PUS10: variants seen among roughly 807,000 people sequenced by gnomAD.
The protein encoded by PUS10 is tRNA pseudouridine synthase Pus10.
A neutral mutation model predicts 75.0 loss-of-function variants in PUS10; 59 were observed. The observed-to-expected ratio is 0.79, with a 90% confidence interval of 0.64 to 0.98. The LOEUF is 0.98. Among genes scored for constraint, PUS10 ranks in the 50% least tolerant of loss-of-function variants. The pLI, the probability that PUS10 is intolerant of heterozygous loss-of-function variation, is 0.00. For synonymous variants in PUS10, 219 were observed against 211.6 expected (o/e 1.03, Z -0.30); for missense variants, 650 against 614.4 (o/e 1.06, Z -0.61).
intron 2 of PUS10, chr2:61,010,751 G>C: frequency 1.3e-6 from 2 of 1,546,868 alleles, no homozygotes; most frequent in Middle Eastern, 1.7e-4. Context: ...TGGTGGAACT[G>C]GGATTCAAAT....
chr2:60,998,246 T>C (rs1255128814), intron 4 of PUS10, among the ~76,000 whole-genome samples: 2 of 152,200 alleles, frequency 1.3e-5, no homozygotes, highest in East Asian at 1.9e-4. Context: ...TGTAAACACA[T>C]ACAAAATTTT....
chr2:61,014,954 C>T (rs1679871460), intron 1 of PUS10, among the ~76,000 whole-genome samples: 1 of 152,134 alleles, frequency 6.6e-6, no homozygotes, highest in African/African-American at 2.4e-5. Context: ...TAGAACTCTT[C>T]ACCATAAAAA....
intron 11 of PUS10, among the ~76,000 whole-genome samples, chr2:60,956,994 A>G (rs1203108396): frequency 1.3e-5 from 2 of 149,192 alleles, no homozygotes; most frequent in Non-Finnish European, 3.0e-5. Flanking sequence ...AAAAAAAAAA[A>G]AAAAAAGAAA....
chr2:60,992,012 CTTTTT>C (rs56885280), intron 4 of PUS10, among the ~76,000 whole-genome samples: 2 of 138,412 alleles, frequency 1.4e-5, no homozygotes, highest in East Asian at 2.1e-4. Flanking sequence ...AACAGAAGCA[CTTTTT>C]TTTTTTTTTT....
At chr2:60,962,578 AAAAT>A (rs1323486947) in intron 9 of PUS10, among the ~76,000 whole-genome samples, 6 of 152,048 alleles carry the variant, frequency 3.9e-5, no homozygotes, top group Admixed American at 1.3e-4. Flanking sequence ...CTGTCTCAAA[AAAAT>A]AAATAAATAA....
At chr2:60,967,902 A>G (rs1038477201) in intron 5 of PUS10, among the ~76,000 whole-genome samples, 1 of 152,154 alleles carries the variant, frequency 6.6e-6, no homozygotes, top group Non-Finnish European at 1.5e-5. Flanking sequence ...TAGAATTGCC[A>G]GATTCCAGGA....
At chr2:60,986,911 G>GA (rs1558947774) in intron 4 of PUS10, among the ~76,000 whole-genome samples, 1 of 152,044 alleles carries the variant, frequency 6.6e-6, no homozygotes, top group East Asian at 1.9e-4. Context: ...TAGAAGACAG[G>GA]AAAAAAGAGG....
rs540117590 is a variant in PUS10, at chr2:60,993,816, G to C, written c.468+12741C>G. On this transcript the variant is annotated intron_variant, in intron 4 of 17. Coordinates refer to ENST00000316752, the MANE Select transcript of PUS10 (RefSeq NM_144709.4). ...TTGACACTTTTTTTTTTGAGATGGA[G>C]TCTTGCTCTGTTGCCCAGTCTGGAG... 1.1e-4 allele frequency among the ~76,000 whole-genome samples: 16 copies of C among 152,134 alleles called. No individual in the cohort carries two copies. The East Asian group carries it at 2.9e-3, about 28-fold the overall frequency.
intron 16 of PUS10, among the ~76,000 whole-genome samples, chr2:60,947,587 C>T (rs1397413465): frequency 2.0e-5 from 3 of 152,162 alleles, no homozygotes; most frequent in Non-Finnish European, 2.9e-5. Context: ...CACAGCACTT[C>T]GGAAGGCCGA....
chr2:60,985,681 A>C (rs955964595), intron 4 of PUS10, among the ~76,000 whole-genome samples: 1 of 152,052 alleles, frequency 6.6e-6, no homozygotes. Flanking sequence ...TTGTATTTTT[A>C]GTAGAGATGG....
chr2:60,958,100 G>A lies in PUS10; in HGVS notation c.1000+2292C>T, dbSNP rs541792560. On this transcript the variant is annotated intron_variant, in intron 11 of 17. Transcript: ENST00000316752. ...CTAAGATTCCTTAAGTGTTCTTTCA[G>A]CTGCCCACCACTCATCCGCCCACTC... 1.7e-4 allele frequency among the ~76,000 whole-genome samples: 26 copies of A among 152,292 alleles called. No homozygotes were observed. In the South Asian group the frequency reaches 4.8e-3, roughly 28 times the overall value.
In PUS10 at chr2:60,961,215, G is replaced by T. The variant is rs533407048; in HGVS notation, c.874+248C>A. Among the ~76,000 whole-genome samples the T allele has an allele frequency of 3.9e-5, 6 of 152,242 alleles. No homozygotes were observed. In the South Asian group the frequency reaches 1.2e-3, roughly 32 times the overall value. ...ATTTCTACTTGGCCATCTCTGATGA[G>T]AACTATTAAAACCTAGGAAGTGTCA... On this transcript the variant is annotated intron_variant, in intron 10 of 17. Transcript: ENST00000316752.
rs1674666738 is a variant in PUS10, at chr2:60,942,325, T to C, written c.*70A>G. 1 of 1,284,198 alleles carries C rather than the reference T, an allele frequency of 7.8e-7. No homozygotes were observed. Among genetic ancestry groups the C allele is most frequent in the East Asian group, 2.3e-5 (1 of 43,342 alleles). 79.6% of individuals were successfully genotyped at this position (1,284,198 alleles called of 1,614,324 possible). On this transcript the variant is annotated 3_prime_UTR_variant, in exon 18 of 18. Coordinates refer to ENST00000316752, the MANE Select transcript of PUS10 (RefSeq NM_144709.4). ...CGTTATGGTGGGTAAACAGCCATTT[T>C]ACGGCATGTGCTCCATGGATGTCCA...
chr2:60,999,832 T>C (rs1678733709), intron 4 of PUS10, among the ~76,000 whole-genome samples: 1 of 152,166 alleles, frequency 6.6e-6, no homozygotes, highest in Non-Finnish European at 1.5e-5. Flanking sequence ...AAAAAGGATC[T>C]GTACTGAGCA....
At chr2:60,967,460 TA>T in intron 6 of PUS10, 41 bp downstream of exon 6, 2 of 1,341,064 alleles carry the variant, frequency 1.5e-6, no homozygotes, top group South Asian at 1.3e-5. Flanking sequence ...GTAAAACTAG[TA>T]AAATCAGAGA....
intron 3 of PUS10, among the ~76,000 whole-genome samples, chr2:61,007,542 G>A (rs1000539410): frequency 1.3e-5 from 2 of 152,128 alleles, no homozygotes; most frequent in African/African-American, 2.4e-5. Context: ...GCCAAGTCAG[G>A]CGGATCACCT....
chr2:61,013,746 C>T (rs1054412269), intron 1 of PUS10, among the ~76,000 whole-genome samples: 1 of 152,078 alleles, frequency 6.6e-6, no homozygotes, highest in Non-Finnish European at 1.5e-5. Flanking sequence ...AAATTGAGGC[C>T]GGGTGCAGTG....
intron 16 of PUS10, among the ~76,000 whole-genome samples, chr2:60,947,392 T>C (rs1573377702): frequency 6.6e-6 from 1 of 152,158 alleles, no homozygotes; most frequent in Non-Finnish European, 1.5e-5. Flanking sequence ...ATACGTGACT[T>C]GCAAAAAATG....
intron 4 of PUS10, among the ~76,000 whole-genome samples, chr2:60,989,118 T>C (rs1387372159): frequency 6.6e-6 from 1 of 151,912 alleles, no homozygotes; most frequent in African/African-American, 2.4e-5. Context: ...GAATCCTAAA[T>C]TGGCAGCAGA....
Sources: allele counts gnomAD v4.1 joint callset (sites outside exome capture counted in the v4.1 genomes callset), GRCh38; gene constraint gnomAD v4.1.1; transcripts MANE v1.5; gene names NCBI Gene and HGNC (gene_info 2026-07-23, HGNC 2026-07-21).